Variants in CSPG5 observed in about 807,000 individuals in gnomAD.
The protein encoded by CSPG5 is acidic leucine-rich EGF-like domain-containing brain protein.
A neutral mutation model predicts 39.8 loss-of-function variants in CSPG5; 25 were observed. The ratio of observed to expected loss-of-function variants is 0.63; its 90% CI spans 0.46 to 0.88. CSPG5 has a LOEUF of 0.88. Among genes scored for constraint, CSPG5 ranks in the 40% least tolerant of loss-of-function variants. The pLI, the probability that CSPG5 is intolerant of heterozygous loss-of-function variation, is 0.00. For missense variants in CSPG5, 627 were observed against 702.2 expected (o/e 0.89, Z 1.21); for synonymous variants, 295 against 303.9 (o/e 0.97, Z 0.31).
Position 47,562,705 on chromosome 3 carries a change from C to T in CSPG5, c.1515G>A (p.Glu505=), listed in dbSNP as rs1347797242. The change falls in exon 5 of 5, where the codon GAG becomes GAA. Residue 505 remains glutamate, a synonymous_variant. Transcript: ENST00000264723. ...AGTTCTGGATGTTAAATGACTCCTC[C>T]TCTTTCAGGCAGGACTTGAGAACCT... ...IQEVLKSCLK[E]EESFNIQNSM... The T allele has an allele frequency of 1.2e-6, 2 of 1,613,900 alleles. No homozygotes were observed. Among genetic ancestry groups the T allele is most frequent in the Non-Finnish European group, 1.7e-6 (2 of 1,180,010 alleles).
chr3:47,570,610 A>AG (rs1245168773), intron 3 of CSPG5, among the ~76,000 whole-genome samples: 1 of 151,872 alleles, frequency 6.6e-6, no homozygotes, highest in African/African-American at 2.4e-5. Flanking sequence ...ACTGGGTTCA[A>AG]GCATTATCTG....
At position 47,578,619 on chromosome 3, in the gene CSPG5, G is replaced by A; in HGVS notation, c.75C>T (p.Val25=). The change falls in exon 1 of 5, where the codon GTC becomes GTT. Residue 25 remains valine, a synonymous_variant. Coordinates refer to ENST00000264723, the MANE Select transcript of CSPG5 (RefSeq NM_006574.4). The surrounding 1 kb of genome is among the most constrained non-coding windows in gnomAD (Gnocchi z 6.0). ...PLLLFLGAAL[V]LASGAVPARE... ...TACCCGGCACGGCCCCAGAGGCCAG[G>A]ACCAGCGCGGCCCCCAGAAACAGCA... 1 of 1,165,072 alleles carries A rather than the reference G, an allele frequency of 8.6e-7. No individual in the cohort carries two copies. The highest frequency in any genetic ancestry group is 1.1e-6 in the Non-Finnish European group (1 of 942,598). The allele number at this position is 1,165,072 out of a possible 1,614,324, so 72.2% of individuals were successfully genotyped here. A position where few individuals can be genotyped will look rare whatever the true frequency, so the allele number is the denominator to read the frequency against.
chr3:47,562,615 C>A lies in CSPG5; in HGVS notation c.1605G>T (p.Gln535His), dbSNP rs756074107. The A allele has an allele frequency of 3.8e-6, 6 of 1,567,500 alleles. No homozygotes were observed. The Admixed American group carries it at 5.1e-5, about 13-fold the overall frequency. The part of the protein sequence containing the change: ...DQADLDVNCL[Q>H]NNLT ...TTGCTCTGCTTTAGGTTAAATTATTCTGAAGACAGTTCACATCCAAGTCAG... is the reference window on the plus strand; with the variant it reads ...TTGCTCTGCTTTAGGTTAAATTATTATGAAGACAGTTCACATCCAAGTCAG... Residue 535 changes from glutamine (Q) to histidine (H), a missense_variant, in exon 5 of 5, where the codon CAG (glutamine) becomes CAT (histidine). Coordinates refer to ENST00000264723, the MANE Select transcript of CSPG5 (RefSeq NM_006574.4).
chr3:47,577,060 A>G lies in CSPG5; in HGVS notation c.966T>C (p.Ala322=). The change falls in exon 2 of 5, where the codon GCT becomes GCC. Residue 322 remains alanine, a synonymous_variant. Coordinates refer to ENST00000264723, the MANE Select transcript of CSPG5 (RefSeq NM_006574.4). This position sits in a 1 kb window ranked among gnomAD's most constrained non-coding sequence, Gnocchi z 4.7. ...ACCCCAGAGTGTGCTGTGGAGGGAC[A>G]GCATGCCACCGACTGGTGGGCTGGC... ...GTGQPTSRWH[A]VPPQHTLGSV... The G allele has an allele frequency of 1.2e-6, 2 of 1,613,658 alleles. No individual in the cohort carries two copies. Among genetic ancestry groups the G allele is most frequent in the Non-Finnish European group, 1.7e-6 (2 of 1,179,968 alleles).
In CSPG5 at chr3:47,575,807, C is replaced by A. The variant is rs551692220; in HGVS notation, c.1193+1026G>T. Among the ~76,000 whole-genome samples the A allele has an allele frequency of 7.2e-5, 11 of 152,136 alleles. No individual in the cohort carries two copies. The South Asian group carries it at 2.3e-3, about 32-fold the overall frequency. On this transcript the variant is annotated intron_variant, in intron 2 of 4. Transcript: ENST00000264723. ...GCATGGAGCGGTGTTCAACAGCTGT[C>A]TTTATCCCACAGAGTAGGTTTATGG...
chr3:47,577,666 G>A lies in CSPG5; in HGVS notation c.360C>T (p.Ala120=). 6.2e-7 allele frequency: 1 copy of A among 1,602,420 alleles called. No homozygotes were observed. The highest frequency in any genetic ancestry group is 1.3e-5 in the African/African-American group (1 of 74,928). Residue 120 remains alanine, a synonymous_variant, in exon 2 of 5, where the codon GCC becomes GCT. Coordinates refer to ENST00000264723, the MANE Select transcript of CSPG5 (RefSeq NM_006574.4). The surrounding 1 kb of genome is among the most constrained non-coding windows in gnomAD (Gnocchi z 4.7). ...CCTGGAGCGTAGCTGGAAGGGCCTG[G>A]GCATCGCCGCTGCCCGCCTCTGCGG... ...GVTAEAGSGD[A]QALPATLQAP... is the part of the protein sequence containing the mutation.
intron 4 of CSPG5, among the ~76,000 whole-genome samples, chr3:47,563,234 A>G (rs192750408): frequency 1.2e-4 from 19 of 152,234 alleles, no homozygotes; most frequent in African/African-American, 4.6e-4. Flanking sequence ...AAAGTGCAGA[A>G]CTGCTCCTGA....
Position 47,577,104 on chromosome 3 carries a change from C to T in CSPG5, c.922G>A (p.Gly308Ser). The T allele has an allele frequency of 1.2e-6, 2 of 1,613,900 alleles. No individual in the cohort carries two copies. Residue 308 changes from glycine to serine, a missense_variant, in exon 2 of 5, where the codon GGT becomes AGT. By Grantham distance (56) the Gly-to-Ser change is moderately conservative. Transcript: ENST00000264723. The surrounding 1 kb of genome is among the most constrained non-coding windows in gnomAD (Gnocchi z 4.7). ...GGCTGGCCTGTCCCGGGCCCCAGAC[C>T]AGGCTTCCCAGTGGGCACTAGAAGC... ...NELLVPTGKP[G>S]LGPGTGQPTS... is the part of the protein sequence containing the mutation.
chr3:47,562,316 AAAGTC>A lies in CSPG5; in HGVS notation c.*279_*283del. 1 of 275,330 alleles carries A rather than the reference AAAGTC, an allele frequency of 3.6e-6. No homozygotes were observed. The highest frequency in any genetic ancestry group is 6.7e-6 in the Non-Finnish European group (1 of 149,780). The allele number at this position is 275,330 out of a possible 1,614,324, so 17.1% of individuals were successfully genotyped here. The stretch of plus-strand genomic sequence containing the variant: ...AAAAACGTGGGTCAAAGTACAAAAA[AAAGTC>A]AGTTGAATAACAGCACAGGTTTAGA... On this transcript the variant is annotated 3_prime_UTR_variant, in exon 5 of 5. Transcript: ENST00000264723.
Position 47,577,810 on chromosome 3 carries a change from C to G in CSPG5, c.216G>C (p.Glu72Asp), listed in dbSNP as rs769966583. ...CGCCACCGGGCGCCGTCCACGACGC[C>G]TCATCTTCCCCAGCCGCTGGTGGGC... ...EAGPPAAGED[E>D]ASWTAPGGEL... Residue 72 changes from glutamate to aspartate, a missense_variant, in exon 2 of 5, where the codon GAG (glutamate) becomes GAC (aspartate). By Grantham distance (45) the Glu-to-Asp change is conservative (BLOSUM62 2). Transcript: ENST00000264723. This position sits in a 1 kb window ranked among gnomAD's most constrained non-coding sequence, Gnocchi z 4.7. 25 of 1,578,156 alleles carry G rather than the reference C, an allele frequency of 1.6e-5. No homozygotes were observed. Among genetic ancestry groups the G allele is most frequent in the South Asian group, 6.8e-5 (6 of 88,688 alleles).
rs535023693 is a variant in CSPG5, at chr3:47,572,632, C to T, written c.1382+54G>A. ...ATCAGTTGGAGGGGTGCAGCAGCGTCGGGGGGCCTCCCACACCCTGACCTG... is the reference window on the plus strand; with the variant it reads ...ATCAGTTGGAGGGGTGCAGCAGCGTTGGGGGGCCTCCCACACCCTGACCTG... On this transcript the variant is annotated intron_variant, in intron 3 of 4. Transcript: ENST00000264723. This position sits in a 1 kb window ranked among gnomAD's most constrained non-coding sequence, Gnocchi z 4.5. 19 of 1,507,070 alleles carry T rather than the reference C, an allele frequency of 1.3e-5. No individual in the cohort carries two copies. Among genetic ancestry groups the T allele is most frequent in the Admixed American group, 5.2e-5 (3 of 58,170 alleles). The allele number at this position is 1,507,070 out of a possible 1,614,324, so 93.4% of individuals were successfully genotyped here. A position where few individuals can be genotyped will look rare whatever the true frequency, so the allele number is the denominator to read the frequency against.
Position 47,567,225 on chromosome 3 carries a change from C to T in CSPG5, c.1458+1927G>A, listed in dbSNP as rs1006972852. 3.3e-5 allele frequency among the ~76,000 whole-genome samples: 5 copies of T among 152,262 alleles called. No individual in the cohort carries two copies. The East Asian group carries it at 9.7e-4, about 29-fold the overall frequency. On this transcript the variant is annotated intron_variant, in intron 4 of 4. Coordinates refer to ENST00000264723, the MANE Select transcript of CSPG5 (RefSeq NM_006574.4). ...TGTCCAACCGTGGACAGTGAACATGCTGACTACAGGAGCTCCCGTCCTGGC... is the reference window on the plus strand; with the variant it reads ...TGTCCAACCGTGGACAGTGAACATGTTGACTACAGGAGCTCCCGTCCTGGC...
chr3:47,563,855 A>C (rs181638351), intron 4 of CSPG5, among the ~76,000 whole-genome samples: 9 of 152,222 alleles, frequency 5.9e-5, no homozygotes, highest in African/African-American at 2.2e-4. Flanking sequence ...CGCCGGCTTG[A>C]ATTTGCCTCT....
chr3:47,571,323 AAGAGG>A (rs2031520221), intron 3 of CSPG5, among the ~76,000 whole-genome samples: 1 of 152,208 alleles, frequency 6.6e-6, no homozygotes, highest in South Asian at 2.1e-4. Context: ...TGGCTAGAGG[AAGAGG>A]CCCTAGAATA....
At chr3:47,564,548 C>T (rs1039977500) in intron 4 of CSPG5, among the ~76,000 whole-genome samples, 17 of 152,134 alleles carry the variant, frequency 1.1e-4, no homozygotes, top group Admixed American at 1.0e-3. Flanking sequence ...AGAAAATGAA[C>T]TTCATAGAGT....
chr3:47,577,561 G>C lies in CSPG5; in HGVS notation c.465C>G (p.Pro155=), dbSNP rs1328651363. 4.3e-6 allele frequency: 7 copies of C among 1,610,438 alleles called. No individual in the cohort carries two copies. The highest frequency in any genetic ancestry group is 5.9e-6 in the Non-Finnish European group (7 of 1,179,036). The change falls in exon 2 of 5, where the codon CCC becomes CCG. Residue 155 remains proline (P), a synonymous_variant. Transcript: ENST00000264723. This position sits in a 1 kb window ranked among gnomAD's most constrained non-coding sequence, Gnocchi z 4.7. ...EATEASGPPS[P]TPGDKLSPAS... ...CTGGGCTCAGCTTGTCGCCGGGGGT[G>C]GGGGAGGGTGGCCCGCTGGCCTCTG...
At chr3:47,575,731 C>T (rs2031695607) in intron 2 of CSPG5, among the ~76,000 whole-genome samples, 1 of 152,090 alleles carries the variant, frequency 6.6e-6, no homozygotes, top group African/African-American at 2.4e-5. Context: ...TTTGAGTTTG[C>T]GTGCCTACAT....
At chr3:47,580,126 ACTC>A (rs1381577946), upstream of CSPG5, 1 of 151,886 alleles carries the variant, frequency 6.6e-6, no homozygotes, top group Non-Finnish European at 1.5e-5. Context: ...TGCCTGGTAA[ACTC>A]CTCATGCCAG....
intron 4 of CSPG5, among the ~76,000 whole-genome samples, chr3:47,567,223 T>A (rs1477793294): frequency 6.6e-6 from 1 of 152,186 alleles, no homozygotes; most frequent in African/African-American, 2.4e-5. Flanking sequence ...ACAGTGAACA[T>A]GCTGACTACA....
Sources: allele counts gnomAD v4.1 joint callset (sites outside exome capture counted in the v4.1 genomes callset), GRCh38; gene constraint gnomAD v4.1.1; non-coding constraint Gnocchi (gnomAD v3.1); transcripts MANE v1.5; gene names NCBI Gene and HGNC (gene_info 2026-07-23, HGNC 2026-07-21).